The following RCAN2 variants were observed in gnomAD, a reference collection of about 807,000 sequenced individuals.
The protein encoded by RCAN2 is regulator of calcineurin 2.
RCAN2 carries 9 observed loss-of-function variants against 23.6 expected under a neutral mutation model. The ratio of observed to expected loss-of-function variants is 0.38; its 90% confidence interval spans 0.23 to 0.67. The LOEUF (loss-of-function observed/expected upper bound fraction) is 0.67. Among genes scored for constraint, RCAN2 ranks in the 30% least tolerant of loss-of-function variants. The pLI is 0.51. For missense variants in RCAN2, 273 were observed against 302.3 expected (o/e 0.90, Z 0.72); for synonymous variants, 109 against 115.7 (o/e 0.94, Z 0.37).
chr6:46,312,953 T>C (rs1472312445), intron 2 of RCAN2, among the ~76,000 whole-genome samples: 1 of 152,228 alleles, frequency 6.6e-6, no homozygotes, highest in East Asian at 1.9e-4. Flanking sequence ...CTGCTGAACA[T>C]GCTTCCCATG....
chr6:46,240,714 AT>A (rs1348842260), intron 4 of RCAN2, among the ~76,000 whole-genome samples: 2 of 152,118 alleles, frequency 1.3e-5, no homozygotes. Context: ...TAAAAACTGA[AT>A]TTTTTTCTAC....
chr6:46,390,672 G>T (rs78707941), intron 2 of RCAN2, among the ~76,000 whole-genome samples: 2,399 of 152,214 alleles, frequency 0.016, 63 homozygotes, highest in African/African-American at 0.055. Context: ...CATTCTGTAG[G>T]ATTACTAGAC....
Position 46,383,389 on chromosome 6 carries a change from T to C in RCAN2, c.225+73363A>G, listed in dbSNP as rs541382477. On this transcript the variant is annotated intron_variant, in intron 2 of 4. Coordinates refer to ENST00000371374, the MANE Select transcript of RCAN2 (RefSeq NM_001251974.2). Reference sequence around the variant, plus strand: ...CAGAGGTAGGTAATTTTTTGCTTCCTTTTTACCCAGACTTTATATCTGTGA... The same window carrying C: ...CAGAGGTAGGTAATTTTTTGCTTCCCTTTTACCCAGACTTTATATCTGTGA... Among the ~76,000 whole-genome samples the C allele has an allele frequency of 3.3e-5, 5 of 152,212 alleles. No homozygotes were observed. The South Asian group carries it at 1.0e-3, about 32-fold the overall frequency.
intron 2 of RCAN2, among the ~76,000 whole-genome samples, chr6:46,299,619 CT>C (rs1196433027): frequency 1.3e-5 from 2 of 152,064 alleles, no homozygotes; most frequent in Admixed American, 6.6e-5. Flanking sequence ...AAAACCTATC[CT>C]GTTATTTTCT....
In RCAN2 at chr6:46,326,320, A is replaced by G. The variant is rs1763794613; in HGVS notation, c.226-77424T>C. On this transcript the variant is annotated intron_variant, in intron 2 of 4. Coordinates refer to ENST00000371374, the MANE Select transcript of RCAN2 (RefSeq NM_001251974.2). The stretch of plus-strand genomic sequence containing the variant: ...CAAAAGCAGTTCATGGAAAGGAGTT[A>G]CAGCAAATATTTCACACGGGGACAG... 3.9e-5 allele frequency among the ~76,000 whole-genome samples: 6 copies of G among 152,230 alleles called. No individual in the cohort carries two copies. The South Asian group carries it at 1.2e-3, about 32-fold the overall frequency.
intron 1 of RCAN2, among the ~76,000 whole-genome samples, chr6:46,466,491 A>T (rs1561917277): frequency 6.6e-6 from 1 of 151,998 alleles, no homozygotes; most frequent in Non-Finnish European, 1.5e-5. Flanking sequence ...CTTCCACAAC[A>T]TTAGCAGGTA....
At chr6:46,244,509 C>A (rs1200103860) in intron 4 of RCAN2, among the ~76,000 whole-genome samples, 1 of 152,204 alleles carries the variant, frequency 6.6e-6, no homozygotes, top group Non-Finnish European at 1.5e-5. Context: ...CTGCATCAAT[C>A]TTTGTGAATG....
intron 2 of RCAN2, among the ~76,000 whole-genome samples, chr6:46,359,448 A>G (rs1764936222): frequency 6.6e-6 from 1 of 152,188 alleles, no homozygotes; most frequent in African/African-American, 2.4e-5. Flanking sequence ...GTCTAAAGAT[A>G]TTTGTCAGTC....
chr6:46,474,627 G>A (rs1359957229), intron 1 of RCAN2, among the ~76,000 whole-genome samples: 2 of 152,130 alleles, frequency 1.3e-5, no homozygotes, highest in Non-Finnish European at 2.9e-5. Context: ...GGAGAATTAG[G>A]AAAAACCTCC....
In RCAN2 at chr6:46,300,332, A is replaced by T. The variant is rs1331715695; in HGVS notation, c.226-51436T>A. Reference sequence around the variant, plus strand: ...CTACAAGAAAATTCATTTTAAATACAAAGCCATATATAGGTTTAAAGTCAA... The same window carrying T: ...CTACAAGAAAATTCATTTTAAATACTAAGCCATATATAGGTTTAAAGTCAA... On this transcript the variant is annotated intron_variant, in intron 2 of 4. Transcript: ENST00000371374. 3.9e-5 allele frequency among the ~76,000 whole-genome samples: 6 copies of T among 152,086 alleles called. No individual in the cohort carries two copies. In the East Asian group the frequency reaches 9.7e-4, roughly 25 times the overall value.
chr6:46,277,923 C>G (rs2150337028), intron 2 of RCAN2, among the ~76,000 whole-genome samples: 1 of 152,246 alleles, frequency 6.6e-6, no homozygotes, highest in Non-Finnish European at 1.5e-5. Flanking sequence ...ACTATTCTGA[C>G]TTAGATGAAC....
At chr6:46,257,263 C>G (rs991604704) in intron 2 of RCAN2, among the ~76,000 whole-genome samples, 1 of 152,072 alleles carries the variant, frequency 6.6e-6, no homozygotes, top group Admixed American at 6.5e-5. Flanking sequence ...CAATTTAACT[C>G]TAAATCAGAC....
At chr6:46,309,827 A>G (rs1763195787) in intron 2 of RCAN2, among the ~76,000 whole-genome samples, 1 of 152,180 alleles carries the variant, frequency 6.6e-6, no homozygotes, top group Admixed American at 6.5e-5. Context: ...ATGTTTAAAG[A>G]CTAGTAAGGA....
At chr6:46,328,348 G>C (rs888144521) in intron 2 of RCAN2, among the ~76,000 whole-genome samples, 5 of 152,132 alleles carry the variant, frequency 3.3e-5, no homozygotes, top group Non-Finnish European at 7.3e-5. Context: ...ATCCCTCCCA[G>C]AGGAATACAT....
intron 4 of RCAN2, 97 bp downstream of exon 4, chr6:46,246,651 T>A (rs1424203097): frequency 1.1e-6 from 1 of 949,172 alleles, no homozygotes; most frequent in Non-Finnish European, 1.6e-6. Context: ...GAAATGCAGA[T>A]GTTACTGTGA....
intron 2 of RCAN2, among the ~76,000 whole-genome samples, chr6:46,445,784 A>G (rs1767687118): frequency 6.6e-6 from 1 of 152,238 alleles, no homozygotes; most frequent in Non-Finnish European, 1.5e-5. Flanking sequence ...TAAAAATACA[A>G]TAGAGGGTGT....
At chr6:46,229,751 A>G (rs1364324255) in intron 4 of RCAN2, among the ~76,000 whole-genome samples, 3 of 152,192 alleles carry the variant, frequency 2.0e-5, no homozygotes, top group Non-Finnish European at 4.4e-5. Context: ...GTTCTTACCA[A>G]TCATCTGAAG....
At chr6:46,265,208 A>T (rs965830502) in intron 2 of RCAN2, among the ~76,000 whole-genome samples, 7 of 152,236 alleles carry the variant, frequency 4.6e-5, no homozygotes, top group Non-Finnish European at 1.0e-4. Context: ...AGAGCTTCAC[A>T]TAAGCAGCTC....
intron 4 of RCAN2, among the ~76,000 whole-genome samples, chr6:46,232,332 G>T (rs1765925845): frequency 1.3e-5 from 2 of 152,162 alleles, no homozygotes; most frequent in South Asian, 4.1e-4. Context: ...CATGTCCCCG[G>T]GTAAACAGAT....
Sources: allele counts gnomAD v4.1 joint callset (sites outside exome capture counted in the v4.1 genomes callset), GRCh38; gene constraint gnomAD v4.1.1; transcripts MANE v1.5; gene names NCBI Gene and HGNC (gene_info 2026-07-23, HGNC 2026-07-21).